Variants in TMEM150C observed in about 807,000 individuals in gnomAD.
TMEM150C encodes the protein tentonin 3.
A neutral mutation model predicts 29.9 loss-of-function variants in TMEM150C; 10 were observed. The observed-to-expected ratio is 0.33, with a 90% CI of 0.21 to 0.57. TMEM150C has a LOEUF of 0.57. Ranked by LOEUF, TMEM150C falls within the 20% of genes least tolerant of loss-of-function variation. The probability of loss-of-function intolerance (pLI) is 0.88; values close to 1 mark genes in which losing one functional copy is unlikely to be tolerated. For synonymous variants in TMEM150C, 101 were observed against 112.5 expected, an observed-to-expected ratio of 0.90 and a Z score of 0.64; for missense variants, 251 against 303.6, an observed-to-expected ratio of 0.83 and a Z score of 1.29.
At chr4:82,485,861 GA>G in intron 7 of TMEM150C, 142 bp from the exon 8 acceptor site, 3 of 699,712 alleles carry the variant, frequency 4.3e-6, no homozygotes, top group Non-Finnish European at 4.8e-6. Flanking sequence ...TGTTGAACAC[GA>G]AAATCTATAT....
intron 5 of TMEM150C, among the ~76,000 whole-genome samples, chr4:82,499,495 G>A (rs970788133): frequency 1.3e-5 from 2 of 152,062 alleles, no homozygotes; most frequent in African/African-American, 4.8e-5. Context: ...GCCGAGGCTG[G>A]TGGATCACCT....
chr4:82,540,727 T>A (rs1560497281), intron 1 of TMEM150C, among the ~76,000 whole-genome samples: 1 of 152,190 alleles, frequency 6.6e-6, no homozygotes, highest in African/African-American at 2.4e-5. Flanking sequence ...AAGTTGTATA[T>A]ATTTATGGTG....
chr4:82,486,796 AGTGTGTGTATGT>A (rs1723176111), intron 7 of TMEM150C, among the ~76,000 whole-genome samples: 1 of 151,750 alleles, frequency 6.6e-6, no homozygotes, highest in African/African-American at 2.4e-5. Flanking sequence ...ATATATATGG[AGTGTGTGTATGT>A]GTGTGTGTTG....
At chr4:82,558,980 A>C (rs974126902) in intron 1 of TMEM150C, among the ~76,000 whole-genome samples, 5 of 151,714 alleles carry the variant, frequency 3.3e-5, no homozygotes, top group African/African-American at 9.7e-5. Flanking sequence ...AATCTCCCCC[A>C]CCCTTAAGAA....
At chr4:82,505,159 G>C (rs1236332414) in intron 1 of TMEM150C, among the ~76,000 whole-genome samples, 1 of 152,188 alleles carries the variant, frequency 6.6e-6, no homozygotes, top group African/African-American at 2.4e-5. Flanking sequence ...ATGGATGATT[G>C]TTATCTAGCT....
intron 1 of TMEM150C, among the ~76,000 whole-genome samples, chr4:82,549,004 G>A (rs1053063560): frequency 2.6e-5 from 4 of 152,138 alleles, no homozygotes; most frequent in South Asian, 2.1e-4. Context: ...TTTGGCTTTC[G>A]CTATAGGGAA....
At chr4:82,525,697 T>C (rs1439315847) in intron 1 of TMEM150C, among the ~76,000 whole-genome samples, 1 of 152,180 alleles carries the variant, frequency 6.6e-6, no homozygotes, top group Non-Finnish European at 1.5e-5. Flanking sequence ...AGTCTGTTTT[T>C]CTGAGCCCCC....
intron 1 of TMEM150C, among the ~76,000 whole-genome samples, chr4:82,559,700 T>C (rs537748093): frequency 1.3e-4 from 20 of 152,350 alleles, no homozygotes; most frequent in Non-Finnish European, 2.4e-4. Flanking sequence ...ATTGGACCCT[T>C]ACCAGAACCT....
intron 1 of TMEM150C, among the ~76,000 whole-genome samples, chr4:82,519,850 A>C (rs1724428358): frequency 6.6e-6 from 1 of 152,252 alleles, no homozygotes; most frequent in Non-Finnish European, 1.5e-5. Context: ...TGCTGTAATA[A>C]AAGCTATGTG....
In TMEM150C at chr4:82,485,616, G is replaced by C; in HGVS notation, c.645C>G (p.Phe215Leu). Reference protein sequence around the residue: ...LSYFGTFAVEFRHYRYEIVCS... With the variant: ...LSYFGTFAVELRHYRYEIVCS... ...AAACAATCTCATAGCGGTAATGCCG[G>C]AACTCCACGGCAAAGGTGCCAAAAT... The change falls in exon 8 of 8, where the codon TTC (phenylalanine) becomes TTG (leucine). Residue 215 changes from phenylalanine to leucine, a missense_variant. By Grantham distance (22) the Phe-to-Leu change is conservative (BLOSUM62 0). Transcript: ENST00000449862. 1.2e-6 allele frequency: 2 copies of C among 1,610,564 alleles called. No homozygotes were observed. Among genetic ancestry groups the C allele is most frequent in the Non-Finnish European group, 1.7e-6 (2 of 1,178,416 alleles).
chr4:82,493,837 A>G (rs1455450155), intron 6 of TMEM150C, among the ~76,000 whole-genome samples: 1 of 152,224 alleles, frequency 6.6e-6, no homozygotes, highest in East Asian at 1.9e-4. Context: ...CTCAGCCAAT[A>G]TATTCTAAGA....
At chr4:82,507,721 CTCTCTCTTTTTTTTTT>C in intron 1 of TMEM150C, among the ~76,000 whole-genome samples, 3 of 59,984 alleles carry the variant, frequency 5.0e-5, no homozygotes, top group African/African-American at 3.0e-4. Context: ...CTCTCTCTCT[CTCTCTCTTTTTTTTTT>C]TTTTTTTTTT....
intron 5 of TMEM150C, among the ~76,000 whole-genome samples, chr4:82,497,799 A>G (rs1341626288): frequency 6.6e-6 from 1 of 152,142 alleles, no homozygotes; most frequent in Non-Finnish European, 1.5e-5. Flanking sequence ...GAGGATGAAA[A>G]ATAGGCACAA....
Position 82,504,619 on chromosome 4 carries a change from A to C in TMEM150C, c.39T>G (p.Pro13=). 6.2e-7 allele frequency: 1 copy of C among 1,613,816 alleles called. No homozygotes were observed. The highest frequency in any genetic ancestry group is 8.5e-7 in the Non-Finnish European group (1 of 1,179,760). ...CTGAAGTAAACAAAGTAAATACAAG[A>C]GGTAGGAACATCCATACGCTGCATT... The part of the protein sequence containing the change: ...GKKCSVWMFL[P]LVFTLFTSAG... The change falls in exon 2 of 8, where the codon CCT becomes CCG. Residue 13 remains proline, a synonymous_variant. Transcript: ENST00000449862.
intron 7 of TMEM150C, among the ~76,000 whole-genome samples, chr4:82,487,611 GTATT>G (rs1421183611): frequency 6.6e-6 from 1 of 152,164 alleles, no homozygotes; most frequent in Non-Finnish European, 1.5e-5. Context: ...TGTTCATAAA[GTATT>G]TATTAGGTTG....
chr4:82,497,962 AT>A (rs1303002922), intron 5 of TMEM150C, among the ~76,000 whole-genome samples: 1 of 152,210 alleles, frequency 6.6e-6, no homozygotes, highest in African/African-American at 2.4e-5. Flanking sequence ...TATCCTTCTA[AT>A]AAGTTGTGTA....
intron 2 of TMEM150C, among the ~76,000 whole-genome samples, chr4:82,503,766 C>T (rs938066711): frequency 6.6e-6 from 1 of 151,936 alleles, no homozygotes; most frequent in African/African-American, 2.4e-5. Context: ...GGGAGAATGG[C>T]GTGAACCCAG....
intron 1 of TMEM150C, among the ~76,000 whole-genome samples, chr4:82,549,531 G>A (rs1379437404): frequency 1.3e-5 from 2 of 152,208 alleles, no homozygotes; most frequent in Non-Finnish European, 2.9e-5. Context: ...AAGTTTTGGA[G>A]ATTGGATGTA....
chr4:82,556,494 G>A (rs1725740413), intron 1 of TMEM150C, among the ~76,000 whole-genome samples: 1 of 152,172 alleles, frequency 6.6e-6, no homozygotes, highest in Admixed American at 6.5e-5. Context: ...AAATACTACA[G>A]TAAGTGTTGT....
Sources: allele counts gnomAD v4.1 joint callset (sites outside exome capture counted in the v4.1 genomes callset), GRCh38; gene constraint gnomAD v4.1.1; transcripts MANE v1.5; gene names NCBI Gene and HGNC (gene_info 2026-07-23, HGNC 2026-07-21).